CADM2: variants seen among roughly 807,000 people sequenced by gnomAD.
CADM2 encodes cell adhesion molecule 2.
A neutral mutation model predicts 49.8 loss-of-function variants in CADM2; 12 were observed. The ratio of observed to expected loss-of-function variants is 0.24; its 90% CI spans 0.15 to 0.39. The LOEUF (loss-of-function observed/expected upper bound fraction) is 0.39, where lower values mean the gene tolerates loss of function less well. Among genes scored for constraint, CADM2 ranks in the 10% least tolerant of loss-of-function variants. CADM2 has a pLI of 1.00. For missense variants in CADM2, 378 were observed against 492.3 expected (o/e 0.77, Z 2.20); for synonymous variants, 214 against 175.4 (o/e 1.22, Z -1.74).
chr3:85,640,469 T>G (rs892188419), intron 1 of CADM2, among the ~76,000 whole-genome samples: 2 of 152,202 alleles, frequency 1.3e-5, no homozygotes, highest in Non-Finnish European at 2.9e-5. Flanking sequence ...AGTTGACACT[T>G]AACTCATAAT....
intron 1 of CADM2, among the ~76,000 whole-genome samples, chr3:85,223,144 A>T (rs2042077479): frequency 6.6e-6 from 1 of 152,126 alleles, no homozygotes; most frequent in Non-Finnish European, 1.5e-5. Context: ...CAATTTAAAA[A>T]CTTTATTTAC....
intron 6 of CADM2, among the ~76,000 whole-genome samples, chr3:85,923,947 A>G (rs1186213424): frequency 6.6e-6 from 1 of 152,156 alleles, no homozygotes; most frequent in African/African-American, 2.4e-5. Context: ...ATTTGTATAT[A>G]TATCCATTTT....
chr3:85,564,411 A>G (rs2062193835), intron 1 of CADM2, among the ~76,000 whole-genome samples: 1 of 152,104 alleles, frequency 6.6e-6, no homozygotes. Context: ...AGAGTCTAGC[A>G]CGGGTATTTA....
chr3:85,433,140 C>CTT lies in CADM2; in HGVS notation c.62-293374_62-293373dup, dbSNP rs67960974. Among the ~76,000 whole-genome samples the CTT allele has an allele frequency of 3.2e-4, 48 of 151,138 alleles. No individual in the cohort carries two copies. In the South Asian group the frequency reaches 5.0e-3, roughly 16 times the overall value. On this transcript the variant is annotated intron_variant, in intron 1 of 9. Coordinates refer to ENST00000383699, the MANE Select transcript of CADM2 (RefSeq NM_001167675.2). Reference sequence around the variant, plus strand: ...AAACATACATTTATTTCTGAGTCCTCTTTTTTTTTCTAAAAAGCAGGATTT... The same window carrying CTT: ...AAACATACATTTATTTCTGAGTCCTCTTTTTTTTTTTCTAAAAAGCAGGATTT...
intron 1 of CADM2, among the ~76,000 whole-genome samples, chr3:85,345,904 T>C (rs1425656176): frequency 6.6e-6 from 1 of 152,202 alleles, no homozygotes; most frequent in Non-Finnish European, 1.5e-5. Context: ...GTCTGTAACT[T>C]AATCTCCAAT....
intron 1 of CADM2, among the ~76,000 whole-genome samples, chr3:85,047,853 C>A (rs1559633930): frequency 1.3e-5 from 2 of 152,092 alleles, no homozygotes; most frequent in Non-Finnish European, 2.9e-5. Context: ...ATTTACACTT[C>A]TTCTCATCAA....
intron 1 of CADM2, among the ~76,000 whole-genome samples, chr3:85,496,905 G>T (rs1311602822): frequency 2.0e-5 from 3 of 152,038 alleles, no homozygotes; most frequent in Non-Finnish European, 2.9e-5. Context: ...GTGCAATGGC[G>T]CCATCTCGGC....
intron 1 of CADM2, among the ~76,000 whole-genome samples, chr3:85,670,749 G>A (rs1159168972): frequency 6.6e-6 from 1 of 152,168 alleles, no homozygotes; most frequent in Non-Finnish European, 1.5e-5. Context: ...ACACAAAGAA[G>A]AGAGATGAGG....
intron 8 of CADM2, among the ~76,000 whole-genome samples, chr3:86,024,390 A>G (rs1733602183): frequency 6.6e-6 from 1 of 152,248 alleles, no homozygotes; most frequent in African/African-American, 2.4e-5. Flanking sequence ...GCTGAGTTAT[A>G]CATTAGAATT....
At chr3:86,015,191 T>A (rs1467919054) in intron 8 of CADM2, 6 of 358,606 alleles carry the variant, frequency 1.7e-5, no homozygotes, top group Non-Finnish European at 2.5e-5. Context: ...TATGTAAACC[T>A]CTTAATCACT....
At position 85,142,753 on chromosome 3, in the gene CADM2, T is replaced by C. The variant is rs114758512; in HGVS notation, c.61+183085T>C. ...ACTGAATCTCTTCATGGAAAATGAA[T>C]AGGGCATGGCAGAGTCAATCTGTTA... On this transcript the variant is annotated intron_variant, in intron 1 of 9. Coordinates refer to ENST00000383699, the MANE Select transcript of CADM2 (RefSeq NM_001167675.2). 2.8e-3 allele frequency among the ~76,000 whole-genome samples: 419 copies of C among 152,232 alleles called. 3 individuals carry two copies. Among genetic ancestry groups the C allele is most frequent in the African/African-American group, 9.8e-3 (406 of 41,556 alleles).
At chr3:85,120,764 C>T (rs898408524) in intron 1 of CADM2, among the ~76,000 whole-genome samples, 16 of 151,952 alleles carry the variant, frequency 1.1e-4, no homozygotes, top group Middle Eastern at 3.4e-3. Context: ...CACCATGGCA[C>T]GTGTATACCT....
intron 1 of CADM2, among the ~76,000 whole-genome samples, chr3:85,295,644 C>CA (rs1458577495): frequency 1.4e-4 from 21 of 151,968 alleles, no homozygotes; most frequent in Non-Finnish European, 2.8e-4. Flanking sequence ...TTTGTAGGGA[C>CA]ATGGATGAAA....
At chr3:85,872,354 C>T (rs962806704) in intron 3 of CADM2, among the ~76,000 whole-genome samples, 6 of 152,134 alleles carry the variant, frequency 3.9e-5, no homozygotes, top group African/African-American at 1.4e-4. Context: ...TTCACAGTTA[C>T]TGCTGAACCA....
At chr3:85,355,890 C>T (rs2031814414) in intron 1 of CADM2, among the ~76,000 whole-genome samples, 1 of 151,976 alleles carries the variant, frequency 6.6e-6, no homozygotes, top group African/African-American at 2.4e-5. Context: ...GACTGCTGCA[C>T]ACGTTTCATG....
intron 1 of CADM2, among the ~76,000 whole-genome samples, chr3:85,046,757 T>C (rs1293134891): frequency 1.3e-5 from 2 of 152,092 alleles, no homozygotes. Flanking sequence ...GTTTTTAAAA[T>C]GCTTTCCAAG....
chr3:85,806,882 C>T (rs753009368), intron 3 of CADM2, among the ~76,000 whole-genome samples: 9 of 152,078 alleles, frequency 5.9e-5, no homozygotes, highest in Non-Finnish European at 1.2e-4. Flanking sequence ...AAAATAAAGA[C>T]GAAGGCAGCA....
chr3:85,759,293 A>C (rs981684970), intron 2 of CADM2, among the ~76,000 whole-genome samples: 2 of 152,072 alleles, frequency 1.3e-5, no homozygotes, highest in African/African-American at 4.8e-5. Context: ...CACTTTAAGC[A>C]CTTAAATTTC....
intron 8 of CADM2, among the ~76,000 whole-genome samples, chr3:85,982,753 C>A (rs1166570852): frequency 6.6e-6 from 1 of 151,562 alleles, no homozygotes; most frequent in Non-Finnish European, 1.5e-5. Flanking sequence ...ATTTGAAAAT[C>A]ATTTATTTAT....
Sources: allele counts gnomAD v4.1 joint callset (sites outside exome capture counted in the v4.1 genomes callset), GRCh38; gene constraint gnomAD v4.1.1; transcripts MANE v1.5; gene names NCBI Gene and HGNC (gene_info 2026-07-23, HGNC 2026-07-21).